SIGLEC1: variants seen among roughly 807,000 people sequenced by gnomAD.
The protein encoded by SIGLEC1 is sialoadhesin.
Under a neutral mutation model 148.0 loss-of-function variants are expected in SIGLEC1, and 132 were observed. The observed-to-expected ratio is 0.89, with a 90% CI of 0.77 to 1.03. The LOEUF is 1.03. Ranked by LOEUF, SIGLEC1 falls within the 50% of genes least tolerant of loss-of-function variation. The pLI is 0.00. For missense variants in SIGLEC1, 2,253 were observed against 2,271.4 expected, an observed-to-expected ratio of 0.99 and a Z score of 0.16; for synonymous variants, 945 against 969.0, an observed-to-expected ratio of 0.98 and a Z score of 0.46.
At position 3,689,039 on chromosome 20, in the gene SIGLEC1, C is replaced by T. The variant is rs1246604797; in HGVS notation, c.5070+116G>A. 5 of 909,514 alleles carry T rather than the reference C, an allele frequency of 5.5e-6. No homozygotes were observed. The Admixed American group carries it at 8.7e-5, about 16-fold the overall frequency. 56.3% of individuals were successfully genotyped at this position (909,514 alleles called of 1,614,324 possible). ...GGGCTCCTGGTTCCCTGCACACTCT[C>T]CCCAACCTCCCCTTGGTCCCAGGCA... On this transcript the variant is annotated intron_variant, in intron 21 of 21. Transcript: ENST00000344754.
intron 11 of SIGLEC1, among the ~76,000 whole-genome samples, chr20:3,695,819 A>T (rs1189104835): frequency 1.3e-5 from 2 of 149,760 alleles, no homozygotes; most frequent in East Asian, 3.9e-4. Context: ...TTTAGGGAGA[A>T]TTTTTTTTTT....
rs1202030722 is a variant in SIGLEC1, at chr20:3,688,605, A to G, written c.5085T>C (p.Asp1695=). The G allele has an allele frequency of 1.2e-6, 2 of 1,600,534 alleles. No homozygotes were observed. The highest frequency in any genetic ancestry group is 4.5e-5 in the East Asian group (2 of 44,508). Residue 1695 remains aspartate (D), a synonymous_variant, in exon 22 of 22, where the codon GAT becomes GAC. Transcript: ENST00000344754. Reference sequence around the variant, plus strand: ...AGGTTGAGGTCTCACATGTGGCTGCATCAGGATCAATGAGCTTCCCACAGA... The same window carrying G: ...AGGTTGAGGTCTCACATGTGGCTGCGTCAGGATCAATGAGCTTCCCACAGA... ...QKETTQLIDP[D]AATCETSTCA...
chr20:3,707,041 T>C (rs771506382), intron 2 of SIGLEC1, 39 bp downstream of exon 2: 1 of 1,601,118 alleles, frequency 6.2e-7, no homozygotes, highest in South Asian at 1.1e-5. Flanking sequence ...TTATGAAGGC[T>C]GGACCCTGGA....
In SIGLEC1 at chr20:3,703,784, C is replaced by A. The variant is rs766589366; in HGVS notation, c.973+41G>T. 6 of 1,610,672 alleles carry A rather than the reference C, an allele frequency of 3.7e-6. No individual in the cohort carries two copies. In the South Asian group the frequency reaches 4.4e-5, roughly 12 times the overall value. ...CTCCGTCCCTGAGGCCTGAGCTCCT[C>A]CCTATTCTCTGGCCAATACGCAACC... On this transcript the variant is annotated intron_variant, in intron 5 of 21. Transcript: ENST00000344754.
At chr20:3,711,744 A>C (rs1386597853) in intron 1 of SIGLEC1, among the ~76,000 whole-genome samples, 1 of 152,210 alleles carries the variant, frequency 6.6e-6, no homozygotes, top group African/African-American at 2.4e-5. Context: ...GGCAGTAGAA[A>C]TTTCACACTT....
chr20:3,689,108 G>A (rs2088727874), intron 21 of SIGLEC1, 47 bp downstream of exon 21: 1 of 1,511,396 alleles, frequency 6.6e-7, no homozygotes, highest in Non-Finnish European at 9.2e-7. Flanking sequence ...AGTTGGCACT[G>A]TGGGTTAGCT....
In SIGLEC1 at chr20:3,701,523, AC is replaced by A. The variant is rs762262504; in HGVS notation, c.1346del (p.Gly449ValfsTer79). ...PLATLVLSHGGHILASTSGDS... is the reference protein window; with the variant it reads ...PLATLVLSHGXHILASTSGDS... ...CCCCGGAGGTGGAGGCCAGGATATG[AC>A]CCCCATGTGACAGCACCAGTGTGGC... On this transcript the variant is annotated frameshift_variant, in exon 7 of 22. Coordinates refer to ENST00000344754, the MANE Select transcript of SIGLEC1 (RefSeq NM_023068.4). LOFTEE classifies it high-confidence loss of function. 35 of 1,613,500 alleles carry A rather than the reference AC, an allele frequency of 2.2e-5. No homozygotes were observed. The South Asian group carries it at 3.7e-4, about 17-fold the overall frequency.
At position 3,704,090 on chromosome 20, in the gene SIGLEC1, A is replaced by T. The variant is rs1304781854; in HGVS notation, c.708T>A (p.Tyr236Ter). The change falls in exon 5 of 22, where the codon TAT (tyrosine) becomes TAA (stop). Residue 236 changes from tyrosine (Y) to a stop codon, truncating the protein, a stop_gained and splice_region_variant. Coordinates refer to ENST00000344754, the MANE Select transcript of SIGLEC1 (RefSeq NM_023068.4). LOFTEE classifies it high-confidence loss of function. ...GGAGGATCTTCACACCCTTGGGGGC[A>T]TCTGCAAGTCACAGTAGGGGGTATT... ...AQSEIHLQVK[Y>*]APKGVKILLS... 1 of 1,610,924 alleles carries T rather than the reference A, an allele frequency of 6.2e-7. No individual in the cohort carries two copies. Among genetic ancestry groups the T allele is most frequent in the Admixed American group, 1.7e-5 (1 of 59,856 alleles).
chr20:3,695,170 A>G (rs1287189725), intron 11 of SIGLEC1, among the ~76,000 whole-genome samples: 1 of 152,170 alleles, frequency 6.6e-6, no homozygotes, highest in African/African-American at 2.4e-5. Context: ...TGTGTCAGTC[A>G]TATCTCGCCT....
chr20:3,701,294 C>A, intron 7 of SIGLEC1, 48 bp downstream of exon 7: 1 of 1,507,626 alleles, frequency 6.6e-7, no homozygotes, highest in African/African-American at 1.4e-5. Context: ...GGAGCAGGCT[C>A]CTCCTCAGGC....
intron 6 of SIGLEC1, among the ~76,000 whole-genome samples, chr20:3,702,471 G>A (rs1250217122): frequency 2.0e-5 from 3 of 152,044 alleles, no homozygotes; most frequent in Non-Finnish European, 4.4e-5. Context: ...TGTAATCCCA[G>A]CTACTCAGGA....
rs1555847913 is a variant in SIGLEC1 at position 3,696,120 on chromosome 20, CTATA to C, written c.2683+462_2683+465del. Among the ~76,000 whole-genome samples, 159 of 106,046 alleles carry C rather than the reference CTATA, an allele frequency of 1.5e-3. 1 individual carries two copies. The highest frequency in any genetic ancestry group is 2.2e-3 in the Non-Finnish European group (121 of 54,040). 69.6% of individuals were successfully genotyped at this position (106,046 alleles called of 152,430 possible). A position where few individuals can be genotyped will look rare whatever the true frequency, so the allele number is the denominator to read the frequency against. On this transcript the variant is annotated intron_variant, in intron 11 of 21. Coordinates refer to ENST00000344754, the MANE Select transcript of SIGLEC1 (RefSeq NM_023068.4). ...GCCTGAGGGAGGATTTTTATAGAGA[CTATA>C]TATATACACACACACAAACACACAC... is the stretch of plus-strand genomic sequence containing the variant.
At chr20:3,689,440 G>A (rs2088732884) in intron 20 of SIGLEC1, 160 bp downstream of exon 20, 7 of 655,732 alleles carry the variant, frequency 1.1e-5, no homozygotes, top group Non-Finnish European at 1.9e-5. Flanking sequence ...AGGATTTAGG[G>A]ACAATTCTAG....
In SIGLEC1 at chr20:3,693,097, C is replaced by T. The variant is rs746089980; in HGVS notation, c.3543G>A (p.Leu1181=). The T allele has an allele frequency of 2.5e-6, 4 of 1,590,392 alleles. No homozygotes were observed. The highest frequency in any genetic ancestry group is 3.4e-6 in the Non-Finnish European group (4 of 1,170,906). ...GGGCCAGCTGCCCGCCATGGCTCTCCAGGAGGTAGGTCAGGCGCAGGTTGC... is the reference window on the plus strand; with the variant it reads ...GGGCCAGCTGCCCGCCATGGCTCTCTAGGAGGTAGGTCAGGCGCAGGTTGC... ...APRNLRLTYL[L]ESHGGQLALV... is the part of the protein sequence containing the mutation. The change falls in exon 15 of 22, where the codon CTG becomes CTA. Residue 1181 remains leucine, a synonymous_variant. Transcript: ENST00000344754.
At chr20:3,708,052 G>A (rs2087908289) in intron 1 of SIGLEC1, among the ~76,000 whole-genome samples, 1 of 152,178 alleles carries the variant, frequency 6.6e-6, no homozygotes, top group Admixed American at 6.5e-5. Context: ...ATAGCAGTGC[G>A]GAGCCTACCA....
chr20:3,692,907 T>A lies in SIGLEC1; in HGVS notation c.3733A>T (p.Ser1245Cys), dbSNP rs2088780154. The change falls in exon 15 of 22, where the codon AGC (serine) becomes TGC (cysteine). Residue 1245 changes from serine to cysteine, a missense_variant. Ser to Cys is a moderately radical substitution (Grantham distance 112, BLOSUM62 -1). Transcript: ENST00000344754. Reference sequence around the variant, plus strand: ...GACGTGTTGGCCTGGCCCAGAGGGCTGCGGGCAGAGCAGCTGTAGAAACCC... The same window carrying A: ...GACGTGTTGGCCTGGCCCAGAGGGCAGCGGGCAGAGCAGCTGTAGAAACCC... ...DEGFYSCSAR[S>C]PLGQANTSLE... 6.2e-7 allele frequency: 1 copy of A among 1,612,090 alleles called. No individual in the cohort carries two copies. The highest frequency in any genetic ancestry group is 1.3e-5 in the African/African-American group (1 of 74,934).
intron 4 of SIGLEC1, among the ~76,000 whole-genome samples, 162 bp from the exon 5 acceptor site, chr20:3,704,253 G>C (rs2087876524): frequency 6.6e-6 from 1 of 152,164 alleles, no homozygotes; most frequent in African/African-American, 2.4e-5. Context: ...GTCTGCCCAT[G>C]TCCGTCCCTT....
At chr20:3,697,026 T>A (rs2087807057) in intron 10 of SIGLEC1, 59 bp downstream of exon 10, 2 of 1,582,162 alleles carry the variant, frequency 1.3e-6, no homozygotes, top group Admixed American at 1.7e-5. Context: ...GGCCCCTGCT[T>A]CTCCCCAGAC....
chr20:3,701,691 C>A, intron 6 of SIGLEC1, 50 bp from the exon 7 acceptor site: 1 of 1,478,660 alleles, frequency 6.8e-7, no homozygotes. Flanking sequence ...AGGGCATTCC[C>A]TGGATACCCT....
Sources: allele counts gnomAD v4.1 joint callset (sites outside exome capture counted in the v4.1 genomes callset), GRCh38; gene constraint gnomAD v4.1.1; transcripts MANE v1.5; gene names NCBI Gene and HGNC (gene_info 2026-07-23, HGNC 2026-07-21).